The following TRIP11 variants were observed in gnomAD, a reference collection of about 807,000 sequenced individuals.
TRIP11 encodes thyroid receptor-interacting protein 11.
In TRIP11, 148 loss-of-function variants were observed where a neutral mutation model predicts 223.1. The observed-to-expected ratio is 0.66, with a 90% CI of 0.58 to 0.76. TRIP11 has a LOEUF of 0.76. Among genes scored for constraint, TRIP11 ranks in the 30% least tolerant of loss-of-function variants. The probability of loss-of-function intolerance (pLI) is 0.00; values close to 1 mark genes in which losing one functional copy is unlikely to be tolerated. For synonymous variants in TRIP11, 762 were observed against 772.6 expected, an observed-to-expected ratio of 0.99 and a Z score of 0.23; for missense variants, 2,043 against 2,222.0, an observed-to-expected ratio of 0.92 and a Z score of 1.62.
chr14:92,013,913 G>A (rs919444536), intron 7 of TRIP11, among the ~76,000 whole-genome samples: 2 of 152,126 alleles, frequency 1.3e-5, no homozygotes, highest in Non-Finnish European at 2.9e-5. Flanking sequence ...ATAGGAGATC[G>A]TTTCAAACAG....
At chr14:92,034,594 C>T (rs138588020) in intron 1 of TRIP11, among the ~76,000 whole-genome samples, 1,712 of 152,244 alleles carry the variant, frequency 0.011, 14 homozygotes, top group Non-Finnish European at 0.017. Context: ...AACATAGACA[C>T]AATTTATTAA....
intron 2 of TRIP11, chr14:92,026,664 C>A: frequency 2.8e-6 from 3 of 1,088,448 alleles, no homozygotes; most frequent in Non-Finnish European, 2.8e-6. Flanking sequence ...GAAGAGACGC[C>A]CCTGCTGACG....
chr14:92,022,353 A>G (rs1389617349), intron 3 of TRIP11, among the ~76,000 whole-genome samples: 1 of 152,242 alleles, frequency 6.6e-6, no homozygotes, highest in Admixed American at 6.5e-5. Context: ...GCTTTGATTT[A>G]TAAATCCAAT....
intron 4 of TRIP11, among the ~76,000 whole-genome samples, chr14:92,019,156 C>G (rs1188123463): frequency 6.6e-6 from 1 of 151,860 alleles, no homozygotes; most frequent in Non-Finnish European, 1.5e-5. Flanking sequence ...CCAATTATGC[C>G]TTTTTCAACT....
At chr14:91,992,501 G>C (rs902243907) in intron 15 of TRIP11, among the ~76,000 whole-genome samples, 2 of 151,994 alleles carry the variant, frequency 1.3e-5, no homozygotes, top group South Asian at 4.1e-4. Context: ...TTATTAGGAA[G>C]TATATCTTCA....
At chr14:92,014,178 A>T in intron 7 of TRIP11, 37 bp downstream of exon 7, 1 of 1,613,266 alleles carries the variant, frequency 6.2e-7, no homozygotes, top group Non-Finnish European at 8.5e-7. Flanking sequence ...CTATGCAATG[A>T]AACAGCAATC....
At chr14:92,035,559 C>T (rs1467599424) in intron 1 of TRIP11, among the ~76,000 whole-genome samples, 10 of 148,106 alleles carry the variant, frequency 6.8e-5, no homozygotes, top group Admixed American at 2.0e-4. Context: ...CGCAAAAAAC[C>T]TCATTTTTTA....
At position 91,981,024 on chromosome 14, in the gene TRIP11, T is replaced by A. The variant is rs1211182827; in HGVS notation, c.5261-4835A>T. On this transcript the variant is annotated intron_variant, in intron 16 of 20. Transcript: ENST00000267622. ...TATATATATATATATTTTTTTTTTTTTTTTTTTTTTTTGAGACAGAGTCTT... is the reference window on the plus strand; with the variant it reads ...TATATATATATATATTTTTTTTTTTATTTTTTTTTTTTGAGACAGAGTCTT... 2.7e-3 allele frequency among the ~76,000 whole-genome samples: 346 copies of A among 129,840 alleles called. 4 individuals carry two copies. The highest frequency in any genetic ancestry group is 0.01 in the African/African-American group (328 of 31,766). 85.2% of individuals were successfully genotyped at this position (129,840 alleles called of 152,430 possible). A position where few individuals can be genotyped will look rare whatever the true frequency, so the allele number is the denominator to read the frequency against.
chr14:92,031,847 C>G (rs2057269491), intron 2 of TRIP11, among the ~76,000 whole-genome samples: 4 of 152,156 alleles, frequency 2.6e-5, no homozygotes, highest in Admixed American at 2.6e-4. Context: ...AGGTCTCACT[C>G]TGTTGCCCGG....
chr14:92,005,795 C>T lies in TRIP11; in HGVS notation c.2181G>A (p.Trp727Ter). 2 of 1,614,052 alleles carry T rather than the reference C, an allele frequency of 1.2e-6. No individual in the cohort carries two copies. The highest frequency in any genetic ancestry group is 1.7e-6 in the Non-Finnish European group (2 of 1,180,022). ...CTTCTTCCAACAGCCTCTTTTTAGC[C>T]CAACACAATTCTGCCTCTATCTCTC... ...EKGEIEAELC[W>*]AKKRLLEEAN... The change falls in exon 11 of 21, where the codon TGG becomes TGA. Residue 727 changes from tryptophan to a stop codon, truncating the protein, a stop_gained. Transcript: ENST00000267622. LOFTEE classifies it high-confidence loss of function.
At position 92,015,676 on chromosome 14, in the gene TRIP11, A is replaced by G. The variant is rs1359874280; in HGVS notation, c.823+20T>C. Reference sequence around the variant, plus strand: ...CCATCTCAAAAAAAATAATAATAATAAAGAAATAAAACTAATAACCTTGTT... The same window carrying G: ...CCATCTCAAAAAAAATAATAATAATGAAGAAATAAAACTAATAACCTTGTT... On this transcript the variant is annotated intron_variant, in intron 6 of 20. Coordinates refer to ENST00000267622, the MANE Select transcript of TRIP11 (RefSeq NM_004239.4). The G allele has an allele frequency of 1.3e-6, 2 of 1,571,930 alleles. No homozygotes were observed. Among genetic ancestry groups the G allele is most frequent in the African/African-American group, 2.8e-5 (2 of 72,692 alleles).
Position 92,005,676 on chromosome 14 carries a change from A to G in TRIP11, c.2300T>C (p.Leu767Pro). The change falls in exon 11 of 21, where the codon CTC (leucine) becomes CCC (proline). Residue 767 changes from leucine (L) to proline (P), a missense_variant. Transcript: ENST00000267622. ...LQLEHEHLIK[L>P]NQKKDMEIAE... Reference sequence around the variant, plus strand: ...TATTTCCATGTCTTTCTTTTGATTGAGTTTAATTAAATGCTCATGTTCCAG... The same window carrying G: ...TATTTCCATGTCTTTCTTTTGATTGGGTTTAATTAAATGCTCATGTTCCAG... 1.2e-6 allele frequency: 2 copies of G among 1,613,686 alleles called. No homozygotes were observed. Among genetic ancestry groups the G allele is most frequent in the South Asian group, 1.1e-5 (1 of 91,086 alleles).
Position 92,014,263 on chromosome 14 carries a change from G to A in TRIP11, c.1138C>T (p.Gln380Ter). 1 of 1,613,992 alleles carries A rather than the reference G, an allele frequency of 6.2e-7. No individual in the cohort carries two copies. Among genetic ancestry groups the A allele is most frequent in the Non-Finnish European group, 8.5e-7 (1 of 1,179,980 alleles). Residue 380 changes from glutamine (Q) to a stop codon, truncating the protein, a stop_gained, in exon 7 of 21, where the codon CAG (glutamine) becomes TAG (stop). Coordinates refer to ENST00000267622, the MANE Select transcript of TRIP11 (RefSeq NM_004239.4). LOFTEE classifies it high-confidence loss of function. Reference sequence around the variant, plus strand: ...AACACTTCTTCCACTGATGCACTCTGGGCAAGAATTCTTTCCTTTTCTGTC... The same window carrying A: ...AACACTTCTTCCACTGATGCACTCTAGGCAAGAATTCTTTCCTTTTCTGTC... ...TMTEKERILAQSASVEEVFRL... is the reference protein window; with the variant it reads ...TMTEKERILA
rs201962758 is a variant in TRIP11, at chr14:91,969,837, G to C, written c.5776C>G (p.Arg1926Gly). Residue 1926 changes from arginine to glycine, a missense_variant, in exon 21 of 21, where the codon CGC (arginine) becomes GGC (glycine). Coordinates refer to ENST00000267622, the MANE Select transcript of TRIP11 (RefSeq NM_004239.4). The stretch of plus-strand genomic sequence containing the variant: ...TTAATAAGAGGTACAGCTGCCGAGC[G>C]AGGAGCCAAAAACGGATTTACATCT... ...RTDVNPFLAP[R>G]SAAVPLINPA... is the part of the protein sequence containing the mutation. 6.2e-7 allele frequency: 1 copy of C among 1,614,210 alleles called. No homozygotes were observed. Among genetic ancestry groups the C allele is most frequent in the African/African-American group, 1.3e-5 (1 of 75,056 alleles).
chr14:92,005,852 GT>G lies in TRIP11; in HGVS notation c.2123del (p.Asn708ThrfsTer7), dbSNP rs747106242. The G allele has an allele frequency of 2.5e-6, 4 of 1,613,778 alleles. No homozygotes were observed. Among genetic ancestry groups the G allele is most frequent in the Non-Finnish European group, 3.4e-6 (4 of 1,179,976 alleles). On this transcript the variant is annotated frameshift_variant, in exon 11 of 21. Transcript: ENST00000267622. LOFTEE classifies it high-confidence loss of function. Reference sequence around the variant, plus strand: ...CCATTTTTAGAGTCTCCACAATAGTGTTTTTTTCCAGAGAAAGCTGATTGTT... The same window carrying G: ...CCATTTTTAGAGTCTCCACAATAGTGTTTTTTCCAGAGAAAGCTGATTGTT... ...AGNNQLSLEK[N>X]TIVETLKMEK...
In TRIP11 at chr14:91,995,650, C is replaced by T. The variant is rs549708581; in HGVS notation, c.4893-135G>A. ...TTTTTTTTTGAGACAGAGTCTCGCT[C>T]TGTCACCCAGGCTGGAGTGCAGTGG... On this transcript the variant is annotated intron_variant, in intron 13 of 20. Transcript: ENST00000267622. The T allele has an allele frequency of 2.1e-4, 183 of 884,192 alleles. No individual in the cohort carries two copies. In the African/African-American group the frequency reaches 3.0e-3, roughly 15 times the overall value. The allele number at this position is 884,192 out of a possible 1,614,324, so 54.8% of individuals were successfully genotyped here. A position where few individuals can be genotyped will look rare whatever the true frequency, so the allele number is the denominator to read the frequency against.
rs775179458 is a variant in TRIP11, at chr14:92,014,269, G to C, written c.1132C>G (p.Leu378Val). Residue 378 changes from leucine to valine, a missense_variant, in exon 7 of 21, where the codon CTT becomes GTT. Physicochemically the swap from Leu to Val is conservative, Grantham distance 32. Transcript: ENST00000267622. The part of the protein sequence containing the change: ...SDTMTEKERI[L>V]AQSASVEEVF... ...TCTTCCACTGATGCACTCTGGGCAAGAATTCTTTCCTTTTCTGTCATAGTA... is the reference window on the plus strand; with the variant it reads ...TCTTCCACTGATGCACTCTGGGCAACAATTCTTTCCTTTTCTGTCATAGTA... The C allele has an allele frequency of 6.2e-7, 1 of 1,614,070 alleles. No individual in the cohort carries two copies. The highest frequency in any genetic ancestry group is 2.2e-5 in the East Asian group (1 of 44,848).
intron 2 of TRIP11, chr14:92,026,682 T>C (rs1439876911): frequency 9.6e-7 from 1 of 1,039,342 alleles, no homozygotes; most frequent in African/African-American, 1.6e-5. Flanking sequence ...ACGAGGAAAA[T>C]GGGGAGCAAG....
Position 92,017,749 on chromosome 14 carries a change from G to A in TRIP11, c.590C>T (p.Thr197Ile), listed in dbSNP as rs770308432. 80 of 1,611,622 alleles carry A rather than the reference G, an allele frequency of 5.0e-5. No homozygotes were observed. Among genetic ancestry groups the A allele is most frequent in the Non-Finnish European group, 6.5e-5 (77 of 1,178,558 alleles). The change falls in exon 5 of 21, where the codon ACT (threonine) becomes ATT (isoleucine). Residue 197 changes from threonine (T) to isoleucine (I), a missense_variant and splice_region_variant. Transcript: ENST00000267622. ...GTTATCTGTTCCTTGTGCTTTGGAA[G>A]TCTAGATCAGAAAAAGAGAATTAGT... ...EVGHWRHIAQ[T>I]SKAQGTDNSD...
Sources: allele counts gnomAD v4.1 joint callset (sites outside exome capture counted in the v4.1 genomes callset), GRCh38; gene constraint gnomAD v4.1.1; transcripts MANE v1.5; gene names NCBI Gene and HGNC (gene_info 2026-07-23, HGNC 2026-07-21).